Variants in HACE1 observed in about 807,000 individuals in gnomAD.
The protein encoded by HACE1 is E3 ubiquitin-protein ligase HACE1.
In HACE1, 73 loss-of-function variants were observed where a neutral mutation model predicts 118.4. That is an observed-to-expected ratio of 0.62 (90% confidence interval 0.51 to 0.75). HACE1 has a LOEUF of 0.75. HACE1 is among the 30% of genes least tolerant of loss of function. The pLI is 0.00. For synonymous variants in HACE1, 368 were observed against 374.8 expected (o/e 0.98, Z 0.21); for missense variants, 749 against 1,102.2 (o/e 0.68, Z 4.54).
chr6:104,754,782 G>A (rs1778420692), intron 19 of HACE1, among the ~76,000 whole-genome samples: 1 of 152,034 alleles, frequency 6.6e-6, no homozygotes, highest in Non-Finnish European at 1.5e-5. Context: ...AGCTCCTGAA[G>A]AAAGAACTAA....
At chr6:104,756,814 C>T (rs1302715988) in intron 19 of HACE1, among the ~76,000 whole-genome samples, 1 of 152,190 alleles carries the variant, frequency 6.6e-6, no homozygotes, top group Non-Finnish European at 1.5e-5. Context: ...GACTGACTGT[C>T]CCTGGAGGAA....
intron 22 of HACE1, among the ~76,000 whole-genome samples, chr6:104,739,167 C>T (rs973189936): frequency 1.5e-4 from 23 of 152,056 alleles, no homozygotes; most frequent in Admixed American, 3.9e-4. Flanking sequence ...CTGAAGGAAG[C>T]GCTAAACATG....
At chr6:104,859,404 G>A (rs561719990) in intron 1 of HACE1, 163 bp downstream of exon 1, 13 of 595,830 alleles carry the variant, frequency 2.2e-5, no homozygotes, top group Non-Finnish European at 3.7e-5. Flanking sequence ...CGTCGGGCCA[G>A]GGGAGTTCGG....
rs775486183 is a variant in HACE1, at chr6:104,777,035, C to G, written c.1754G>C (p.Arg585Pro). 2 of 1,610,256 alleles carry G rather than the reference C, an allele frequency of 1.2e-6. No homozygotes were observed. Among genetic ancestry groups the G allele is most frequent in the African/African-American group, 2.7e-5 (2 of 74,868 alleles). The change falls in exon 16 of 24, where the codon CGG (arginine) becomes CCG (proline). Residue 585 changes from arginine to proline, a missense_variant. Coordinates refer to ENST00000262903, the MANE Select transcript of HACE1 (RefSeq NM_020771.4). ...CAKLKQGIAV[R>P]FHGEEGMGQG... ...CACCATGCCTTCTTCTCCATGGAACCGTACAGCAATCCCTTGCTTTAGCTT... is the reference window on the plus strand; with the variant it reads ...CACCATGCCTTCTTCTCCATGGAACGGTACAGCAATCCCTTGCTTTAGCTT...
At position 104,799,761 on chromosome 6, in the gene HACE1, T is replaced by TTCCATCTTGGGATGGCCGAATATGAACA. The variant is rs556082290; in HGVS notation, c.618-2737_618-2736insTGTTCATATTCGGCCATCCCAAGATGGA. On this transcript the variant is annotated intron_variant, in intron 7 of 23. Transcript: ENST00000262903. ...AAACAATTTAGTCTCAAGACTCCCATTCCAAGATGGCCGAATATGAACAGC... is the reference window on the plus strand; with the variant it reads ...AAACAATTTAGTCTCAAGACTCCCATTCCATCTTGGGATGGCCGAATATGAACATCCAAGATGGCCGAATATGAACAGC... Among the ~76,000 whole-genome samples, 158 of 152,300 alleles carry TTCCATCTTGGGATGGCCGAATATGAACA rather than the reference T, an allele frequency of 1.0e-3. 1 individual carries two copies. The highest frequency in any genetic ancestry group is 3.6e-3 in the African/African-American group (148 of 41,574).
In HACE1 at chr6:104,777,094, A is replaced by G; in HGVS notation, c.1695T>C (p.Ser565=). The G allele has an allele frequency of 1.2e-6, 2 of 1,608,486 alleles. No individual in the cohort carries two copies. Among genetic ancestry groups the G allele is most frequent in the Non-Finnish European group, 1.7e-6 (2 of 1,175,054 alleles). The stretch of plus-strand genomic sequence containing the variant: ...TTGCTTTTGACACAACTTCACAGCT[A>G]CTCCTAAAAATAGAATCTAAATATG... ...LLVHRDSIFR[S]SCEVVSKANC... The change falls in exon 16 of 24, where the codon AGT becomes AGC. Residue 565 remains serine (S), a synonymous_variant. Coordinates refer to ENST00000262903, the MANE Select transcript of HACE1 (RefSeq NM_020771.4).
At chr6:104,818,097 A>C (rs1023081801) in intron 6 of HACE1, among the ~76,000 whole-genome samples, 2 of 152,214 alleles carry the variant, frequency 1.3e-5, no homozygotes, top group Non-Finnish European at 2.9e-5. Context: ...ATGTCTATTT[A>C]AATTTACTTC....
intron 6 of HACE1, among the ~76,000 whole-genome samples, chr6:104,819,156 A>T (rs1394281592): frequency 1.3e-5 from 2 of 152,276 alleles, no homozygotes; most frequent in African/African-American, 4.8e-5. Context: ...GTCTCAGCCC[A>T]AAAGCTTCTT....
intron 20 of HACE1, among the ~76,000 whole-genome samples, chr6:104,747,130 T>C (rs9391235): frequency 0.19 from 29,434 of 152,072 alleles, 2,918 homozygotes; most frequent in East Asian, 0.26. Flanking sequence ...CCCCAATCAA[T>C]TTTTTTAATA....
intron 19 of HACE1, among the ~76,000 whole-genome samples, chr6:104,751,400 A>G (rs1021418533): frequency 6.6e-6 from 1 of 152,230 alleles, no homozygotes; most frequent in Non-Finnish European, 1.5e-5. Context: ...GAGTTAAGGT[A>G]ATCTACATAT....
At chr6:104,747,085 G>A (rs1224257559) in intron 20 of HACE1, among the ~76,000 whole-genome samples, 1 of 151,766 alleles carries the variant, frequency 6.6e-6, no homozygotes, top group East Asian at 1.9e-4. Flanking sequence ...GAGAATTCCA[G>A]AATAAAATGT....
Position 104,729,642 on chromosome 6 carries a change from G to C in HACE1, c.*20C>G, listed in dbSNP as rs765046327. 9.0e-7 allele frequency: 1 copy of C among 1,109,076 alleles called. No individual in the cohort carries two copies. Among genetic ancestry groups the C allele is most frequent in the Admixed American group, 1.7e-5 (1 of 59,430 alleles). 68.7% of individuals were successfully genotyped at this position (1,109,076 alleles called of 1,614,324 possible). Reference sequence around the variant, plus strand: ...ATTCTGAATTGTGCATCAGTAGTCAGAGGAGTTTTCCAGACTTCATTATGC... The same window carrying C: ...ATTCTGAATTGTGCATCAGTAGTCACAGGAGTTTTCCAGACTTCATTATGC... On this transcript the variant is annotated 3_prime_UTR_variant, in exon 24 of 24. Transcript: ENST00000262903.
intron 5 of HACE1, among the ~76,000 whole-genome samples, chr6:104,840,032 G>C (rs1774941240): frequency 6.6e-6 from 1 of 151,908 alleles, no homozygotes; most frequent in African/African-American, 2.4e-5. Context: ...ATAAAACTGA[G>C]GAAATCTCAG....
intron 19 of HACE1, among the ~76,000 whole-genome samples, chr6:104,755,950 C>G (rs934657812): frequency 6.6e-6 from 1 of 152,090 alleles, no homozygotes; most frequent in Non-Finnish European, 1.5e-5. Context: ...TTGAAGAAGA[C>G]AGAGACACAA....
intron 20 of HACE1, among the ~76,000 whole-genome samples, chr6:104,747,611 A>C (rs1001949708): frequency 6.6e-6 from 1 of 151,880 alleles, no homozygotes; most frequent in African/African-American, 2.4e-5. Flanking sequence ...GGCAACAGTG[A>C]TGGTATCTGG....
At chr6:104,746,231 ACT>A (rs1452744341) in intron 20 of HACE1, among the ~76,000 whole-genome samples, 12 of 152,106 alleles carry the variant, frequency 7.9e-5, no homozygotes, top group Admixed American at 7.9e-4. Context: ...ATAAACAAAA[ACT>A]CTTTTGTTTT....
chr6:104,775,624 T>C (rs1397690689), intron 17 of HACE1, among the ~76,000 whole-genome samples: 1 of 152,178 alleles, frequency 6.6e-6, no homozygotes, highest in African/African-American at 2.4e-5. Flanking sequence ...TTCACTGAAC[T>C]CGTCATTCAC....
intron 18 of HACE1, 140 bp downstream of exon 18, chr6:104,771,785 C>T (rs1050534370): frequency 3.1e-5 from 19 of 621,744 alleles, no homozygotes; most frequent in African/African-American, 7.7e-5. Context: ...CTTCAAACCC[C>T]GAATGGCTTA....
rs898844516 is a variant in HACE1, at chr6:104,859,885, G to A, written c.-243C>T. 11 of 479,550 alleles carry A rather than the reference G, an allele frequency of 2.3e-5. No homozygotes were observed. Among genetic ancestry groups the A allele is most frequent in the Admixed American group, 4.5e-5 (1 of 22,222 alleles). The allele number at this position is 479,550 out of a possible 1,614,324, so 29.7% of individuals were successfully genotyped here. ...TGCTCGCGCCTTTCCTGCAGCCCCCGCCGCCGCGTCCCTCCCGGGCTCGCG... is the reference window on the plus strand; with the variant it reads ...TGCTCGCGCCTTTCCTGCAGCCCCCACCGCCGCGTCCCTCCCGGGCTCGCG... On this transcript the variant is annotated 5_prime_UTR_variant, in exon 1 of 24. Coordinates refer to ENST00000262903, the MANE Select transcript of HACE1 (RefSeq NM_020771.4).
Sources: allele counts gnomAD v4.1 joint callset (sites outside exome capture counted in the v4.1 genomes callset), GRCh38; gene constraint gnomAD v4.1.1; transcripts MANE v1.5; gene names NCBI Gene and HGNC (gene_info 2026-07-23, HGNC 2026-07-21).